The following S100Z variants were observed in gnomAD, a reference collection of about 807,000 sequenced individuals.
S100Z encodes S100 calcium binding protein Z.
Under a neutral mutation model 8.5 loss-of-function variants are expected in S100Z, and 11 were observed. That is an observed-to-expected ratio of 1.30 (90% CI 0.82 to 2.15). S100Z has a LOEUF of 2.15. Among genes scored for constraint, S100Z ranks in the 30% most tolerant of loss-of-function variants. S100Z has a pLI of 0.00. For missense variants in S100Z, 126 were observed against 117.9 expected, an observed-to-expected ratio of 1.07 and a Z score of -0.32; for synonymous variants, 34 against 43.8, an observed-to-expected ratio of 0.78 and a Z score of 0.89.
At chr5:76,934,919 T>C in the S100Z span, among the ~76,000 whole-genome samples, 1 of 152,184 alleles carries the variant, frequency 6.6e-6, no homozygotes, top group Non-Finnish European at 1.5e-5. Flanking sequence ...CCTGGAGGGA[T>C]TTCCAACGCA....
At chr5:76,867,411 G>A (rs187301546) in intron 1 of S100Z, among the ~76,000 whole-genome samples, 1 of 152,246 alleles carries the variant, frequency 6.6e-6, no homozygotes, top group Non-Finnish European at 1.5e-5. Flanking sequence ...CACTCTGGGG[G>A]TATCCTCAGT....
chr5:76,863,393 G>T (rs918509125), intron 1 of S100Z, among the ~76,000 whole-genome samples: 1 of 152,142 alleles, frequency 6.6e-6, no homozygotes, highest in Non-Finnish European at 1.5e-5. Flanking sequence ...TTAGCCCAAG[G>T]TTGTCATTTT....
intron 1 of S100Z, among the ~76,000 whole-genome samples, chr5:76,856,083 CT>C (rs1284470237): frequency 1.3e-5 from 2 of 152,196 alleles, no homozygotes; most frequent in African/African-American, 4.8e-5. Flanking sequence ...TAAGATGTGT[CT>C]GTTTCCCCTT....
chr5:76,934,985 A>T, the S100Z span, among the ~76,000 whole-genome samples: 612 of 152,318 alleles, frequency 4.0e-3, 3 homozygotes, highest in African/African-American at 0.014. Context: ...AAGTGAAAAG[A>T]TACATCTCTT....
intron 4 of S100Z, among the ~76,000 whole-genome samples, chr5:76,901,565 C>T (rs899640396): frequency 6.6e-6 from 1 of 152,206 alleles, no homozygotes; most frequent in Admixed American, 6.5e-5. Context: ...CCCAAGGGCT[C>T]TTCAGTCAAC....
chr5:76,890,554 G>A (rs1329504922), intron 4 of S100Z, among the ~76,000 whole-genome samples: 4 of 152,152 alleles, frequency 2.6e-5, no homozygotes, highest in Non-Finnish European at 5.9e-5. Context: ...GAAGTCTGAG[G>A]CTGGATGATT....
intron 4 of S100Z, among the ~76,000 whole-genome samples, chr5:76,879,672 A>C (rs1743324640): frequency 6.6e-6 from 1 of 152,144 alleles, no homozygotes. Flanking sequence ...TCCGGATGAG[A>C]ATGTGGATAG....
chr5:76,946,682 C>T, the S100Z span, among the ~76,000 whole-genome samples: 25 of 151,982 alleles, frequency 1.6e-4, no homozygotes, highest in African/African-American at 5.3e-4. Context: ...AGGAGTAAAA[C>T]CCTAGGGATA....
chr5:76,875,384 A>C lies in S100Z; in HGVS notation c.25A>C (p.Met9Leu). 6.2e-7 allele frequency: 1 copy of C among 1,613,000 alleles called. No individual in the cohort carries two copies. The highest frequency in any genetic ancestry group is 8.5e-7 in the Non-Finnish European group (1 of 1,179,480). MPTQLEMA[M>L]DTMIRIFHRY... ...CATGCCCACCCAGCTCGAGATGGCC[A>C]TGGACACCATGATTAGAATCTTCCA... The change falls in exon 3 of 5, where the codon ATG becomes CTG. Residue 9 changes from methionine (M) to leucine (L), a missense_variant. Physicochemically the swap from Met to Leu is conservative, Grantham distance 15. Transcript: ENST00000317593.
At chr5:76,938,788 A>G in the S100Z span, among the ~76,000 whole-genome samples, 1 of 152,098 alleles carries the variant, frequency 6.6e-6, no homozygotes, top group African/African-American at 2.4e-5. Flanking sequence ...TTTTTTTCCC[A>G]TGTAGATATT....
At chr5:76,867,826 C>A (rs1361619685) in intron 1 of S100Z, among the ~76,000 whole-genome samples, 1 of 152,184 alleles carries the variant, frequency 6.6e-6, no homozygotes, top group Non-Finnish European at 1.5e-5. Context: ...AGGTGATCCA[C>A]CCACCTTGGC....
chr5:76,919,037 C>T (rs1322203971), intron 4 of S100Z, among the ~76,000 whole-genome samples: 1 of 152,158 alleles, frequency 6.6e-6, no homozygotes, highest in African/African-American at 2.4e-5. Flanking sequence ...TTTTTGAAAG[C>T]TGATGAATAT....
chr5:76,900,687 G>C (rs543553154), intron 4 of S100Z, among the ~76,000 whole-genome samples: 18 of 152,246 alleles, frequency 1.2e-4, no homozygotes, highest in African/African-American at 3.9e-4. Context: ...TGAATTCTCT[G>C]TCTGAAAGGT....
At chr5:76,897,448 AAAT>A (rs956487227) in intron 4 of S100Z, among the ~76,000 whole-genome samples, 3 of 149,062 alleles carry the variant, frequency 2.0e-5, no homozygotes, top group South Asian at 2.1e-4. Flanking sequence ...GTCTCAAAAA[AAAT>A]AATAATAATA....
chr5:76,910,035 G>T (rs970411973), intron 4 of S100Z, among the ~76,000 whole-genome samples: 3 of 152,152 alleles, frequency 2.0e-5, no homozygotes, highest in African/African-American at 4.8e-5. Flanking sequence ...TCCCCACTGG[G>T]ATCTCAACTC....
At chr5:76,858,515 C>A (rs1278268547) in intron 1 of S100Z, among the ~76,000 whole-genome samples, 6 of 144,554 alleles carry the variant, frequency 4.2e-5, no homozygotes, top group African/African-American at 1.7e-4. Flanking sequence ...AGAGTGAGAC[C>A]CTGTCTCAAA....
chr5:76,906,713 A>ACCT (rs949063271), intron 4 of S100Z, among the ~76,000 whole-genome samples: 3 of 149,958 alleles, frequency 2.0e-5, no homozygotes, highest in Admixed American at 2.0e-4. Flanking sequence ...GCTCAGTGCA[A>ACCT]CCTCCTCCTC....
At chr5:76,939,256 C>T in the S100Z span, among the ~76,000 whole-genome samples, 1 of 151,318 alleles carries the variant, frequency 6.6e-6, no homozygotes, top group Non-Finnish European at 1.5e-5. Flanking sequence ...GGGTTCATGC[C>T]ATTCTCCTGC....
intron 4 of S100Z, among the ~76,000 whole-genome samples, chr5:76,915,981 T>C (rs1744840765): frequency 2.6e-5 from 4 of 151,962 alleles, no homozygotes; most frequent in South Asian, 4.2e-4. Context: ...GCCAACATGG[T>C]GAAACCTCGT....
Sources: allele counts gnomAD v4.1 joint callset (sites outside exome capture counted in the v4.1 genomes callset), GRCh38; gene constraint gnomAD v4.1.1; transcripts MANE v1.5; gene names NCBI Gene and HGNC (gene_info 2026-07-23, HGNC 2026-07-21).